GRID1: variants seen among roughly 807,000 people sequenced by gnomAD.
GRID1 encodes the protein glutamate ionotropic receptor delta type subunit 1.
In GRID1, 28 loss-of-function variants were observed where a neutral mutation model predicts 98.0. The ratio of observed to expected loss-of-function variants is 0.29; its 90% CI spans 0.21 to 0.39. GRID1 has a LOEUF of 0.39. Ranked by LOEUF, GRID1 falls within the 10% of genes least tolerant of loss-of-function variation. GRID1 has a pLI of 1.00. For synonymous variants in GRID1, 553 were observed against 538.5 expected, an observed-to-expected ratio of 1.03 and a Z score of -0.37; for missense variants, 1,111 against 1,340.5, an observed-to-expected ratio of 0.83 and a Z score of 2.67.
intron 3 of GRID1, among the ~76,000 whole-genome samples, chr10:86,188,090 A>T (rs1051623869): frequency 7.2e-5 from 11 of 152,208 alleles, no homozygotes; most frequent in Non-Finnish European, 1.2e-4. Context: ...GATGAGTGAC[A>T]CACATGGTGA....
In GRID1 at chr10:85,970,969, G is replaced by C. The variant is rs1337192112; in HGVS notation, c.727-54730C>G. On this transcript the variant is annotated intron_variant, in intron 4 of 15. Coordinates refer to ENST00000327946, the MANE Select transcript of GRID1 (RefSeq NM_017551.3). The stretch of plus-strand genomic sequence containing the variant: ...GATATTCACACAAAAAACTATCAAG[G>C]CTAATAAATAAATTCTGCAAGGTTG... Among the ~76,000 whole-genome samples, 3 of 151,512 alleles carry C rather than the reference G, an allele frequency of 2.0e-5. No homozygotes were observed. The East Asian group carries it at 5.8e-4, about 29-fold the overall frequency.
chr10:86,347,450 G>A (rs1040658839), intron 2 of GRID1, among the ~76,000 whole-genome samples: 3 of 152,214 alleles, frequency 2.0e-5, no homozygotes, highest in Non-Finnish European at 4.4e-5. Flanking sequence ...GGATTGATTC[G>A]GGGAGGAAGT....
At chr10:85,845,400 T>C (rs958946654) in intron 8 of GRID1, among the ~76,000 whole-genome samples, 6 of 152,272 alleles carry the variant, frequency 3.9e-5, no homozygotes, top group South Asian at 2.1e-4. Context: ...CTGAGAGAAA[T>C]TGAAGAAGCC....
intron 5 of GRID1, among the ~76,000 whole-genome samples, chr10:85,871,113 C>T (rs1843274199): frequency 6.6e-6 from 1 of 152,146 alleles, no homozygotes; most frequent in South Asian, 2.1e-4. Context: ...TCCTGACAAA[C>T]CCATCATACG....
chr10:86,240,176 G>A (rs1187240295), intron 2 of GRID1, among the ~76,000 whole-genome samples: 5 of 152,232 alleles, frequency 3.3e-5, no homozygotes, highest in Admixed American at 6.5e-5. Flanking sequence ...GGAAGCCCCA[G>A]GAAACCAAAT....
intron 8 of GRID1, among the ~76,000 whole-genome samples, chr10:85,775,436 C>G (rs911327235): frequency 4.6e-5 from 7 of 151,888 alleles, no homozygotes; most frequent in Admixed American, 2.6e-4. Flanking sequence ...TGTAACTAAC[C>G]TGCACATTGT....
intron 4 of GRID1, among the ~76,000 whole-genome samples, chr10:86,070,486 C>G (rs1843788177): frequency 6.6e-6 from 1 of 152,160 alleles, no homozygotes; most frequent in Non-Finnish European, 1.5e-5. Context: ...GCACAGGCAC[C>G]AGATGCCTTT....
intron 8 of GRID1, among the ~76,000 whole-genome samples, chr10:85,733,918 C>T (rs533618518): frequency 2.6e-5 from 4 of 152,074 alleles, no homozygotes; most frequent in Non-Finnish European, 5.9e-5. Context: ...CTTCTTTATC[C>T]TCTTCCTGAT....
Position 85,787,225 on chromosome 10 carries a change from G to C in GRID1, c.1234-57611C>G, listed in dbSNP as rs112087636. Among the ~76,000 whole-genome samples, 497 of 152,288 alleles carry C rather than the reference G, an allele frequency of 3.3e-3. 3 individuals carry two copies. Among genetic ancestry groups the C allele is most frequent in the African/African-American group, 0.011 (445 of 41,558 alleles). ...ATCCAGGACAGTCCTGGAAGGGTTT[G>C]GTAAATGTGCCTGCCCCTGCCCTGG... On this transcript the variant is annotated intron_variant, in intron 8 of 15. Transcript: ENST00000327946.
At chr10:86,256,940 T>C (rs1412787009) in intron 2 of GRID1, among the ~76,000 whole-genome samples, 1 of 152,206 alleles carries the variant, frequency 6.6e-6, no homozygotes, top group Non-Finnish European at 1.5e-5. Flanking sequence ...AGCCCCTCTC[T>C]GCCTGCTGCA....
chr10:86,321,966 C>T (rs1847976786), intron 2 of GRID1, among the ~76,000 whole-genome samples: 1 of 151,970 alleles, frequency 6.6e-6, no homozygotes, highest in South Asian at 2.1e-4. Flanking sequence ...AAGAGGCACA[C>T]CAAACTCATC....
chr10:86,242,306 T>C (rs879292617), intron 2 of GRID1, among the ~76,000 whole-genome samples: 16 of 152,070 alleles, frequency 1.1e-4, no homozygotes, highest in Non-Finnish European at 1.8e-4. Flanking sequence ...TCATGGAGTG[T>C]TTGGAGCAAA....
At chr10:85,627,443 G>C (rs1172857712) in intron 13 of GRID1, among the ~76,000 whole-genome samples, 1 of 152,200 alleles carries the variant, frequency 6.6e-6, no homozygotes, top group African/African-American at 2.4e-5. Flanking sequence ...TTACACTAGA[G>C]TATTGACATT....
At chr10:86,235,981 C>T (rs1378267857) in intron 2 of GRID1, among the ~76,000 whole-genome samples, 1 of 152,144 alleles carries the variant, frequency 6.6e-6, no homozygotes, top group Non-Finnish European at 1.5e-5. Flanking sequence ...AACTGTTTTT[C>T]GCAGCAGCTG....
At chr10:86,059,187 C>A (rs1479953609) in intron 4 of GRID1, among the ~76,000 whole-genome samples, 1 of 152,126 alleles carries the variant, frequency 6.6e-6, no homozygotes, top group Non-Finnish European at 1.5e-5. Context: ...GGAGCAGGTG[C>A]GGCTGGTCCA....
intron 2 of GRID1, among the ~76,000 whole-genome samples, chr10:86,300,159 G>C (rs1475304643): frequency 6.6e-6 from 1 of 151,856 alleles, no homozygotes. Flanking sequence ...AGAAAATGGG[G>C]GATGCATCTA....
At chr10:86,239,429 G>A (rs1902687) in intron 2 of GRID1, among the ~76,000 whole-genome samples, 135,895 of 152,224 alleles carry the variant, frequency 0.89, 61,220 homozygotes, top group African/African-American at 0.92. Context: ...CCTGAAATTA[G>A]TTAAGACTTG....
intron 4 of GRID1, among the ~76,000 whole-genome samples, chr10:85,955,282 T>C (rs944782721): frequency 1.3e-5 from 2 of 152,186 alleles, no homozygotes; most frequent in Non-Finnish European, 2.9e-5. Context: ...AGCATCAAGA[T>C]GGCGAACCTG....
chr10:86,119,981 T>G (rs1844642566), intron 4 of GRID1, among the ~76,000 whole-genome samples: 1 of 151,944 alleles, frequency 6.6e-6, no homozygotes, highest in Non-Finnish European at 1.5e-5. Flanking sequence ...TTGGTATATT[T>G]TAGAAGAGAG....
Sources: allele counts gnomAD v4.1 joint callset (sites outside exome capture counted in the v4.1 genomes callset), GRCh38; gene constraint gnomAD v4.1.1; transcripts MANE v1.5; gene names NCBI Gene and HGNC (gene_info 2026-07-23, HGNC 2026-07-21).